The following ADAM29 variants were observed in gnomAD, a reference collection of about 807,000 sequenced individuals.
ADAM29 encodes ADAM metallopeptidase domain 29, also known as disintegrin and metalloproteinase domain-containing protein 29.
For missense variants in ADAM29, 969 were observed against 1,001.8 expected, an observed-to-expected ratio of 0.97 and a Z score of 0.44; for synonymous variants, 367 against 342.3, an observed-to-expected ratio of 1.07 and a Z score of -0.80.
chr4:174,926,257 C>T (rs1300637864), intron 2 of ADAM29, among the ~76,000 whole-genome samples: 2 of 152,058 alleles, frequency 1.3e-5, no homozygotes, highest in Non-Finnish European at 2.9e-5. Context: ...AAAACCGTAT[C>T]GATAACGCTT....
At chr4:174,945,024 C>T (rs917258430) in intron 4 of ADAM29, among the ~76,000 whole-genome samples, 2 of 152,168 alleles carry the variant, frequency 1.3e-5, no homozygotes, top group East Asian at 3.9e-4. Flanking sequence ...AATTTATATT[C>T]CTATGAGTAT....
rs142249118 is a variant in ADAM29 at position 174,977,194 on chromosome 4, G to A, written c.1669G>A (p.Glu557Lys). The change falls in exon 5 of 5, where the codon GAG becomes AAG. Residue 557 changes from glutamate (E) to lysine (K), a missense_variant. Glu to Lys is a moderately conservative substitution (Grantham distance 56). Coordinates refer to ENST00000359240, the MANE Select transcript of ADAM29 (RefSeq NM_014269.4). ...TGTCCAGTGTGGAAGAATTCAGTGT[G>A]AGAATGTGACAGAAATTCCCAATAT... ...SDVQCGRIQC[E>K]NVTEIPNMSD... The A allele has an allele frequency of 1.1e-5, 17 of 1,613,948 alleles. No individual in the cohort carries two copies. In the African/African-American group the frequency reaches 1.6e-4, roughly 15 times the overall value.
At chr4:174,970,806 T>A (rs1299305560) in intron 4 of ADAM29, among the ~76,000 whole-genome samples, 1 of 152,322 alleles carries the variant, frequency 6.6e-6, no homozygotes, top group African/African-American at 2.4e-5. Context: ...ATCCATTTTA[T>A]TTCTGTGGCA....
At chr4:174,932,211 T>C (rs989973687) in intron 3 of ADAM29, among the ~76,000 whole-genome samples, 3 of 151,834 alleles carry the variant, frequency 2.0e-5, no homozygotes, top group African/African-American at 4.8e-5. Context: ...CACTTGAACC[T>C]GGGAGGTGGA....
At chr4:174,960,947 C>T (rs1224993116) in intron 4 of ADAM29, among the ~76,000 whole-genome samples, 1 of 152,096 alleles carries the variant, frequency 6.6e-6, no homozygotes, top group African/African-American at 2.4e-5. Flanking sequence ...GAACTGTCTC[C>T]TTTGCTTCAA....
At chr4:174,929,751 C>T (rs1328495687) in intron 2 of ADAM29, among the ~76,000 whole-genome samples, 2 of 106,556 alleles carry the variant, frequency 1.9e-5, no homozygotes, top group African/African-American at 4.0e-5. Context: ...TCACATCTCT[C>T]TCTCTTTTTT....
At chr4:174,961,209 CATT>C (rs1303324566) in intron 4 of ADAM29, among the ~76,000 whole-genome samples, 4 of 151,790 alleles carry the variant, frequency 2.6e-5, no homozygotes, top group Non-Finnish European at 5.9e-5. Context: ...ATAAACTTCT[CATT>C]ATATTGCTAG....
Position 174,925,967 on chromosome 4 carries a change from A to G in ADAM29, c.-450-5019A>G, listed in dbSNP as rs765566796. Among the ~76,000 whole-genome samples, 153 of 152,290 alleles carry G rather than the reference A, an allele frequency of 1.0e-3. 1 individual carries two copies. Among genetic ancestry groups the G allele is most frequent in the Non-Finnish European group, 1.5e-3 (105 of 68,012 alleles). On this transcript the variant is annotated intron_variant, in intron 2 of 4. Coordinates refer to ENST00000359240, the MANE Select transcript of ADAM29 (RefSeq NM_014269.4). ...CACTGCTTCAGACACACTCTAATGAAAGTCAGCTTTCTTTCAAATCATTTT... is the reference window on the plus strand; with the variant it reads ...CACTGCTTCAGACACACTCTAATGAGAGTCAGCTTTCTTTCAAATCATTTT...
intron 4 of ADAM29, among the ~76,000 whole-genome samples, chr4:174,951,238 G>A (rs998340830): frequency 2.6e-5 from 4 of 152,084 alleles, no homozygotes; most frequent in African/African-American, 9.7e-5. Context: ...ATGAACACGT[G>A]GGCTGACCTG....
At chr4:174,968,783 A>C (rs1011867950) in intron 4 of ADAM29, among the ~76,000 whole-genome samples, 5 of 56,498 alleles carry the variant, frequency 8.8e-5, no homozygotes, top group Middle Eastern at 7.1e-3. Flanking sequence ...ACACACACAC[A>C]CACACACACA....
intron 4 of ADAM29, among the ~76,000 whole-genome samples, chr4:174,963,069 AT>A (rs1340365844): frequency 2.0e-5 from 3 of 152,320 alleles, no homozygotes; most frequent in Non-Finnish European, 4.4e-5. Flanking sequence ...AGGTAGTCTC[AT>A]TAAAATACTT....
At chr4:174,944,849 A>G (rs1180069763) in intron 4 of ADAM29, among the ~76,000 whole-genome samples, 1 of 152,154 alleles carries the variant, frequency 6.6e-6, no homozygotes, top group South Asian at 2.1e-4. Context: ...TGTGTTCTCA[A>G]AGGTCATAAT....
chr4:174,926,174 T>A (rs537258406), intron 2 of ADAM29, among the ~76,000 whole-genome samples: 205 of 152,230 alleles, frequency 1.3e-3, no homozygotes, highest in Non-Finnish European at 2.3e-3. Flanking sequence ...TTTAACCTGG[T>A]TTATCGTATT....
chr4:174,969,161 T>C (rs964260701), intron 4 of ADAM29, among the ~76,000 whole-genome samples: 6 of 151,400 alleles, frequency 4.0e-5, no homozygotes, highest in Admixed American at 6.6e-5. Context: ...CTTTTATTTA[T>C]TTATTAAAAT....
intron 4 of ADAM29, among the ~76,000 whole-genome samples, chr4:174,948,244 T>G (rs1744963871): frequency 1.3e-5 from 2 of 152,200 alleles, no homozygotes; most frequent in African/African-American, 4.8e-5. Context: ...TCTGGCTTTT[T>G]GAGTTGACAG....
rs553999190 is a variant in ADAM29, at chr4:174,939,101, T to C, written c.-181+2088T>C. Among the ~76,000 whole-genome samples the C allele has an allele frequency of 5.9e-5, 9 of 152,242 alleles. No individual in the cohort carries two copies. In the East Asian group the frequency reaches 1.7e-3, roughly 29 times the overall value. Reference sequence around the variant, plus strand: ...TATCAAGGTCCTTAACTTACTTATCTGCAAAGAGTCTTTCTGCAAAGAGTC... The same window carrying C: ...TATCAAGGTCCTTAACTTACTTATCCGCAAAGAGTCTTTCTGCAAAGAGTC... On this transcript the variant is annotated intron_variant, in intron 4 of 4. Transcript: ENST00000359240.
chr4:174,966,948 CA>C (rs1746190651), intron 4 of ADAM29, among the ~76,000 whole-genome samples: 1 of 152,178 alleles, frequency 6.6e-6, no homozygotes, highest in Non-Finnish European at 1.5e-5. Flanking sequence ...TGTGCCTGCT[CA>C]TATAATCCTG....
At chr4:174,963,881 G>A (rs1215632267) in intron 4 of ADAM29, among the ~76,000 whole-genome samples, 1 of 151,896 alleles carries the variant, frequency 6.6e-6, no homozygotes, top group Non-Finnish European at 1.5e-5. Flanking sequence ...GGGGTTTCCA[G>A]GCTGGTCTCG....
chr4:174,936,377 G>A (rs748657123), intron 3 of ADAM29, among the ~76,000 whole-genome samples: 3 of 151,820 alleles, frequency 2.0e-5, no homozygotes, highest in Non-Finnish European at 2.9e-5. Context: ...TTTACTGAAC[G>A]AAAATAAATT....
Sources: gnomAD v4.1 joint callset for allele counts (sites outside exome capture counted in the v4.1 genomes callset) on GRCh38, gnomAD v4.1.1 for gene constraint, MANE v1.5 for transcripts, NCBI Gene and HGNC (gene_info 2026-07-23, HGNC 2026-07-21) for gene names.